Variants in FAM107B observed in about 807,000 individuals in gnomAD.
The protein encoded by FAM107B is protein FAM107B.
A neutral mutation model predicts 31.5 loss-of-function variants in FAM107B; 21 were observed. That is an observed-to-expected ratio of 0.67 (90% CI 0.47 to 0.96). The LOEUF (loss-of-function observed/expected upper bound fraction) is 0.96, where lower values mean the gene tolerates loss of function less well. FAM107B is among the 40% of genes least tolerant of loss of function. The pLI, the probability that FAM107B is intolerant of heterozygous loss-of-function variation, is 0.00. For missense variants in FAM107B, 452 were observed against 377.1 expected, an observed-to-expected ratio of 1.20 and a Z score of -1.64; for synonymous variants, 157 against 141.5, an observed-to-expected ratio of 1.11 and a Z score of -0.78.
At chr10:14,734,883 C>T (rs920331226) in intron 1 of FAM107B, among the ~76,000 whole-genome samples, 1 of 152,172 alleles carries the variant, frequency 6.6e-6, no homozygotes, top group Non-Finnish European at 1.5e-5. Context: ...GCAGTGGACA[C>T]AGTTGTATAA....
At chr10:14,753,942 CTTTT>C (rs199813069) in intron 1 of FAM107B, among the ~76,000 whole-genome samples, 1 of 134,126 alleles carries the variant, frequency 7.5e-6, no homozygotes, top group Admixed American at 7.4e-5. Flanking sequence ...TCTTTTTTTT[CTTTT>C]TTTTTTTTTT....
At chr10:14,733,356 A>T (rs1856218217) in intron 1 of FAM107B, among the ~76,000 whole-genome samples, 1 of 152,176 alleles carries the variant, frequency 6.6e-6, no homozygotes, top group Non-Finnish European at 1.5e-5. Flanking sequence ...TGTCAGCATC[A>T]TGCAAAGATC....
At chr10:14,560,508 T>C (rs1469266056) in intron 2 of FAM107B, among the ~76,000 whole-genome samples, 3 of 151,950 alleles carry the variant, frequency 2.0e-5, no homozygotes, top group Admixed American at 6.6e-5. Context: ...GCAGAAACAA[T>C]GGAGGAACCA....
Position 14,569,432 on chromosome 10 carries a change from CAT to C in FAM107B, c.470-38919_470-38918del, listed in dbSNP as rs200093076. Among the ~76,000 whole-genome samples, 380 of 152,024 alleles carry C rather than the reference CAT, an allele frequency of 2.5e-3. 1 individual carries two copies. The highest frequency in any genetic ancestry group is 5.5e-3 in the African/African-American group (227 of 41,436). The stretch of plus-strand genomic sequence containing the variant: ...GTGTGTGTGCATGCATGCATGCACA[CAT>C]GTGTTACGTTAAGATCATAACATGT... On this transcript the variant is annotated intron_variant, in intron 2 of 4. Transcript: ENST00000181796.
At position 14,766,839 on chromosome 10, in the gene FAM107B, C is replaced by T. The variant is rs902225735; in HGVS notation, c.411+7414G>A. On this transcript the variant is annotated intron_variant, in intron 1 of 4. Transcript: ENST00000181796. ...CTGTACAACAACAACAACAGAAAGA[C>T]TTGGATCATGTGGTTTCACTGGTGA... is the stretch of plus-strand genomic sequence containing the variant. Among the ~76,000 whole-genome samples the T allele has an allele frequency of 2.0e-5, 3 of 150,528 alleles. 1 individual carries two copies. Among genetic ancestry groups the T allele is most frequent in the African/African-American group, 7.3e-5 (3 of 41,082 alleles).
chr10:14,583,122 G>C (rs1411205351), intron 2 of FAM107B, among the ~76,000 whole-genome samples: 1 of 150,370 alleles, frequency 6.7e-6, no homozygotes, highest in African/African-American at 2.4e-5. Context: ...AAGAAAGAAA[G>C]CCAAAGCTGG....
chr10:14,617,320 C>T (rs1260963368), intron 2 of FAM107B, among the ~76,000 whole-genome samples: 1 of 152,090 alleles, frequency 6.6e-6, no homozygotes, highest in African/African-American at 2.4e-5. Flanking sequence ...AGAGAAGGGG[C>T]TTGCACTTGA....
intron 2 of FAM107B, among the ~76,000 whole-genome samples, chr10:14,574,632 A>G (rs1004625373): frequency 1.3e-5 from 2 of 152,272 alleles, no homozygotes; most frequent in Non-Finnish European, 2.9e-5. Flanking sequence ...GAAAAGGCTT[A>G]GCACACAGAC....
intron 2 of FAM107B, among the ~76,000 whole-genome samples, chr10:14,614,676 CAAAA>C (rs576366601): frequency 7.1e-5 from 4 of 56,298 alleles, no homozygotes; most frequent in Non-Finnish European, 3.6e-5. Flanking sequence ...GACTCTGTCT[CAAAA>C]AAAAAAAAAA....
At chr10:14,725,955 A>T (rs1473780221) in intron 1 of FAM107B, among the ~76,000 whole-genome samples, 1 of 150,988 alleles carries the variant, frequency 6.6e-6, no homozygotes, top group Non-Finnish European at 1.5e-5. Flanking sequence ...CTTCCCAAGT[A>T]GCTGGGATTA....
intron 2 of FAM107B, among the ~76,000 whole-genome samples, chr10:14,550,287 AAT>A (rs1226267126): frequency 3.3e-5 from 5 of 152,180 alleles, no homozygotes; most frequent in African/African-American, 1.2e-4. Flanking sequence ...ACAAAGCCTT[AAT>A]AGTCACTCCT....
intron 2 of FAM107B, among the ~76,000 whole-genome samples, chr10:14,591,636 G>A (rs1043039636): frequency 6.6e-6 from 1 of 152,156 alleles, no homozygotes; most frequent in African/African-American, 2.4e-5. Context: ...GAGAAAGATC[G>A]ATGAGGAAAT....
rs2131216651 is a variant in FAM107B at position 14,566,290 on chromosome 10, A to C, written c.470-35775T>G. ...CCACATTCCTCTCCACCTACTGTTC[A>C]CCTGTCACCTGCTTCTAACAACAGA... On this transcript the variant is annotated intron_variant, in intron 2 of 4. Coordinates refer to ENST00000181796, the MANE Select transcript of FAM107B (RefSeq NM_031453.4). 2.0e-5 allele frequency among the ~76,000 whole-genome samples: 3 copies of C among 152,282 alleles called. No individual in the cohort carries two copies. The Middle Eastern group carries it at 0.01, about 518-fold the overall frequency.
chr10:14,571,642 AT>A, intron 2 of FAM107B: 1 of 411,266 alleles, frequency 2.4e-6, no homozygotes, highest in Non-Finnish European at 3.3e-6. Context: ...ACAACATATA[AT>A]TTTTATTTAG....
At chr10:14,753,931 G>A (rs61842976) in intron 1 of FAM107B, among the ~76,000 whole-genome samples, 1 of 148,728 alleles carries the variant, frequency 6.7e-6, no homozygotes, top group African/African-American at 2.5e-5. Context: ...TAGATGAAAA[G>A]TCTTTTTTTT....
At chr10:14,579,492 G>A (rs535934770) in intron 2 of FAM107B, among the ~76,000 whole-genome samples, 55 of 152,266 alleles carry the variant, frequency 3.6e-4, no homozygotes, top group South Asian at 2.5e-3. Context: ...TCTCAAAACC[G>A]TTCCTACCTC....
At chr10:14,620,506 G>A (rs947864828) in intron 2 of FAM107B, among the ~76,000 whole-genome samples, 3 of 151,662 alleles carry the variant, frequency 2.0e-5, no homozygotes, top group African/African-American at 2.4e-5. Context: ...TTAGAATAAC[G>A]CTGATTTTTT....
At chr10:14,731,260 G>A (rs1347529662) in intron 1 of FAM107B, among the ~76,000 whole-genome samples, 1 of 152,088 alleles carries the variant, frequency 6.6e-6, no homozygotes, top group African/African-American at 2.4e-5. Flanking sequence ...GAGGGCGCGG[G>A]ATTAAATCAA....
rs1206983268 is a variant in FAM107B, at chr10:14,519,553, C to T, written c.*1637G>A. On this transcript the variant is annotated 3_prime_UTR_variant, in exon 5 of 5. Coordinates refer to ENST00000181796, the MANE Select transcript of FAM107B (RefSeq NM_031453.4). ...TCTCATTTTATTCAAATAATACTTG[C>T]TGATGAGATAAATAATCCATTTCAG... 1 of 152,178 alleles carries T rather than the reference C, an allele frequency of 6.6e-6. No homozygotes were observed. Among genetic ancestry groups the T allele is most frequent in the Non-Finnish European group, 1.5e-5 (1 of 68,026 alleles). The allele number at this position is 152,178 out of a possible 1,614,324, so 9.4% of individuals were successfully genotyped here. A position where few individuals can be genotyped will look rare whatever the true frequency, so the allele number is the denominator to read the frequency against.
Sources: allele counts gnomAD v4.1 joint callset (sites outside exome capture counted in the v4.1 genomes callset), GRCh38; gene constraint gnomAD v4.1.1; transcripts MANE v1.5; gene names NCBI Gene and HGNC (gene_info 2026-07-23, HGNC 2026-07-21).